The following SYNJ2 variants were observed in gnomAD, a reference collection of about 807,000 sequenced individuals.
The protein encoded by SYNJ2 is polyphosphatidylinositol phosphatase SYNJ2.
Under a neutral mutation model 141.3 loss-of-function variants are expected in SYNJ2, and 116 were observed. The ratio of observed to expected loss-of-function variants is 0.82; its 90% CI spans 0.71 to 0.96. The LOEUF (loss-of-function observed/expected upper bound fraction) is 0.96. SYNJ2 is among the 40% of genes least tolerant of loss of function. The probability of loss-of-function intolerance (pLI) is 0.00; values close to 1 mark genes in which losing one functional copy is unlikely to be tolerated. For synonymous variants in SYNJ2, 745 were observed against 777.7 expected (o/e 0.96, Z 0.70); for missense variants, 1,873 against 1,934.8 (o/e 0.97, Z 0.60).
Position 158,084,405 on chromosome 6 carries a change from C to G in SYNJ2, c.3208+231C>G, listed in dbSNP as rs1297276201. Among the ~76,000 whole-genome samples, 5 of 152,080 alleles carry G rather than the reference C, an allele frequency of 3.3e-5. No homozygotes were observed. Among genetic ancestry groups the G allele is most frequent in the Admixed American group, 6.6e-5 (1 of 15,258 alleles). Reference sequence around the variant, plus strand: ...TATTTTTTTACAATAACTTGTACCCCCATAACACACCAGATTCAAGATAAT... The same window carrying G: ...TATTTTTTTACAATAACTTGTACCCGCATAACACACCAGATTCAAGATAAT... On this transcript the variant is annotated intron_variant, in intron 22 of 26. Transcript: ENST00000355585. The surrounding 1 kb of genome is among the most constrained non-coding windows in gnomAD (Gnocchi z 5.0).
At chr6:157,999,997 G>A (rs1777776839) in intron 1 of SYNJ2, among the ~76,000 whole-genome samples, 1 of 144,936 alleles carries the variant, frequency 6.9e-6, no homozygotes. Context: ...ACCTCGGCAT[G>A]CAGTTTGGGA....
In SYNJ2 at chr6:158,068,495, C is replaced by T. The variant is rs7745323; in HGVS notation, c.1718-152C>T. On this transcript the variant is annotated intron_variant, in intron 12 of 26. Transcript: ENST00000355585. ...CCAGGCATTTCTGAAGCAGATTCCA[C>T]TGGGGCAGTTCCCAGCAGCAATGGT... is the stretch of plus-strand genomic sequence containing the variant. 2.2e-3 allele frequency: 1,669 copies of T among 768,252 alleles called. 20 individuals are homozygous for T. The African/African-American group carries it at 0.027, about 12-fold the overall frequency. The allele number at this position is 768,252 out of a possible 1,614,324, so 47.6% of individuals were successfully genotyped here.
At chr6:157,986,988 AATTATTATCGTTT>A (rs758002525) in intron 1 of SYNJ2, among the ~76,000 whole-genome samples, 6 of 151,898 alleles carry the variant, frequency 4.0e-5, no homozygotes, top group Non-Finnish European at 8.8e-5. Flanking sequence ...TAAATTGACA[AATTATTATCGTTT>A]TTTGAGATGG....
At chr6:158,093,210 C>A in intron 26 of SYNJ2, 106 bp downstream of exon 26, 1 of 1,276,636 alleles carries the variant, frequency 7.8e-7, no homozygotes, top group Non-Finnish European at 1.1e-6. Flanking sequence ...CCGAGGCAAG[C>A]GGATTACGAG....
chr6:158,081,673 G>A (rs1782700509), intron 20 of SYNJ2, among the ~76,000 whole-genome samples, 163 bp downstream of exon 20: 1 of 123,032 alleles, frequency 8.1e-6, no homozygotes, highest in Non-Finnish European at 1.6e-5. Context: ...TCAGGCTGGA[G>A]TACAGTGATG....
chr6:158,051,653 TA>T (rs935669625), intron 5 of SYNJ2, among the ~76,000 whole-genome samples: 1 of 151,732 alleles, frequency 6.6e-6, no homozygotes, highest in Non-Finnish European at 1.5e-5. Context: ...ACTGTTTATA[TA>T]AAAAAAACCT....
intron 1 of SYNJ2, among the ~76,000 whole-genome samples, chr6:158,004,505 G>C (rs1350997014): frequency 1.3e-5 from 2 of 152,158 alleles, no homozygotes; most frequent in African/African-American, 4.8e-5. Context: ...CCTCTAAAAA[G>C]GGGAAGAACC....
intron 5 of SYNJ2, among the ~76,000 whole-genome samples, chr6:158,049,891 T>C (rs1780469162): frequency 6.7e-6 from 1 of 150,134 alleles, no homozygotes. Flanking sequence ...CAGGTATGCC[T>C]GCGGCTCTGC....
chr6:158,095,873 C>G lies in SYNJ2; in HGVS notation c.4000C>G (p.Pro1334Ala), dbSNP rs202164985. The G allele has an allele frequency of 1.6e-5, 26 of 1,614,106 alleles. No homozygotes were observed. In the East Asian group the frequency reaches 5.8e-4, roughly 36 times the overall value. ...EAPPLVPKVPPRRKKSAPAAF... is the reference protein window; with the variant it reads ...EAPPLVPKVPARRKKSAPAAF... ...GCCGCCTCTTGTGCCCAAGGTACCCCCGAGGAGGAAGAAGTCAGCCCCCGC... is the reference window on the plus strand; with the variant it reads ...GCCGCCTCTTGTGCCCAAGGTACCCGCGAGGAGGAAGAAGTCAGCCCCCGC... The change falls in exon 27 of 27, where the codon CCG (proline) becomes GCG (alanine). Residue 1334 changes from proline (P) to alanine (A), a missense_variant. Transcript: ENST00000355585.
chr6:158,068,546 G>A (rs1781707190), intron 12 of SYNJ2, 101 bp from the exon 13 acceptor site: 13 of 1,317,494 alleles, frequency 9.9e-6, no homozygotes, highest in Non-Finnish European at 1.1e-5. Flanking sequence ...GACTCAGGCA[G>A]TGGACAGCAT....
At chr6:158,069,206 G>A (rs189325866) in intron 13 of SYNJ2, among the ~76,000 whole-genome samples, 7 of 152,180 alleles carry the variant, frequency 4.6e-5, no homozygotes, top group East Asian at 1.9e-4. Context: ...TCAACTGGGC[G>A]CTCCCCCCAC....
chr6:157,991,734 G>A (rs369813540), intron 1 of SYNJ2, among the ~76,000 whole-genome samples: 76 of 152,300 alleles, frequency 5.0e-4, no homozygotes, highest in South Asian at 2.7e-3. Flanking sequence ...AGGCAAAATC[G>A]AAGATGGCTT....
At chr6:158,002,765 AAC>A (rs1187519788) in intron 1 of SYNJ2, among the ~76,000 whole-genome samples, 1 of 152,182 alleles carries the variant, frequency 6.6e-6, no homozygotes, top group African/African-American at 2.4e-5. Context: ...GCCCAGTGAA[AAC>A]ACAGCCCAGC....
chr6:158,021,366 C>G (rs1224309677), intron 2 of SYNJ2, among the ~76,000 whole-genome samples: 1 of 152,232 alleles, frequency 6.6e-6, no homozygotes, highest in African/African-American at 2.4e-5. Context: ...AAAACTGCCT[C>G]ATCTCTATGT....
chr6:158,014,607 C>T (rs1444682885), intron 1 of SYNJ2, among the ~76,000 whole-genome samples: 2 of 152,232 alleles, frequency 1.3e-5, no homozygotes. Flanking sequence ...TACCATCAGT[C>T]CTGCCTAGAG....
chr6:157,986,180 C>G (rs1583275248), intron 1 of SYNJ2, among the ~76,000 whole-genome samples: 1 of 152,156 alleles, frequency 6.6e-6, no homozygotes, highest in East Asian at 1.9e-4. Flanking sequence ...TAGGACCAGG[C>G]AAGGGTTCCG....
chr6:158,017,740 T>G (rs756380918), intron 2 of SYNJ2: 2 of 531,778 alleles, frequency 3.8e-6, no homozygotes, highest in Admixed American at 3.9e-5. Flanking sequence ...TTAAGATGTT[T>G]CTTTATGCCT....
At chr6:158,004,633 G>A (rs1777983948) in intron 1 of SYNJ2, among the ~76,000 whole-genome samples, 1 of 152,164 alleles carries the variant, frequency 6.6e-6, no homozygotes, top group Non-Finnish European at 1.5e-5. Context: ...CTGCTGCCCT[G>A]CCTATAGAGT....
At chr6:158,015,887 T>C (rs1778435162) in intron 1 of SYNJ2, among the ~76,000 whole-genome samples, 1 of 152,232 alleles carries the variant, frequency 6.6e-6, no homozygotes, top group African/African-American at 2.4e-5. Context: ...ACCATACAAC[T>C]CATTAAAGTG....
Sources: gnomAD v4.1 joint callset for allele counts (sites outside exome capture counted in the v4.1 genomes callset) on GRCh38, gnomAD v4.1.1 for gene constraint, Gnocchi (gnomAD v3.1) non-coding constraint, MANE v1.5 for transcripts, NCBI Gene and HGNC (gene_info 2026-07-23, HGNC 2026-07-21) for gene names.